The following PRSS12 variants were observed in gnomAD, a reference collection of about 807,000 sequenced individuals.
PRSS12 encodes serine protease 12.
PRSS12 carries 85 observed loss-of-function variants against 104.4 expected under a neutral mutation model. The ratio of observed to expected loss-of-function variants is 0.81; its 90% CI spans 0.68 to 0.98. The LOEUF (loss-of-function observed/expected upper bound fraction) is 0.98. PRSS12 is among the 50% of genes least tolerant of loss of function. PRSS12 has a pLI of 0.00. For missense variants in PRSS12, 1,141 were observed against 1,139.2 expected, an observed-to-expected ratio of 1.00 and a Z score of -0.02; for synonymous variants, 454 against 425.2, an observed-to-expected ratio of 1.07 and a Z score of -0.83.
intron 7 of PRSS12, among the ~76,000 whole-genome samples, chr4:118,311,720 C>A (rs1167178641): frequency 6.6e-6 from 1 of 152,088 alleles, no homozygotes; most frequent in Non-Finnish European, 1.5e-5. Flanking sequence ...TTATCACCCT[C>A]AGGTTTTTAA....
chr4:118,313,133 A>C (rs1365375370), intron 7 of PRSS12, 68 bp downstream of exon 7: 4 of 1,567,390 alleles, frequency 2.6e-6, no homozygotes, highest in Non-Finnish European at 3.5e-6. Flanking sequence ...CTTCATATTC[A>C]AGGCCAGTGG....
In PRSS12 at chr4:118,316,837, A is replaced by AAAAAAAAATAT. The variant is rs35698159; in HGVS notation, c.1151-515_1151-514insATATTTTTTTT. On this transcript the variant is annotated intron_variant, in intron 5 of 12. Transcript: ENST00000296498. ...ACTCCGTCTCACGGAAAAAAAAAAA[A>AAAAAAAAATAT]ATATATATATATATATATATCTTTC... 9.1e-5 allele frequency among the ~76,000 whole-genome samples: 9 copies of AAAAAAAAATAT among 99,192 alleles called. No individual in the cohort carries two copies. The South Asian group carries it at 2.3e-3, about 25-fold the overall frequency. 65.1% of individuals were successfully genotyped at this position (99,192 alleles called of 152,430 possible).
intron 2 of PRSS12, among the ~76,000 whole-genome samples, chr4:118,337,159 GT>G (rs1210769657): frequency 6.6e-6 from 1 of 152,084 alleles, no homozygotes; most frequent in Admixed American, 6.6e-5. Context: ...GAGAAATCTG[GT>G]AAATTAAAGT....
chr4:118,301,289 C>T (rs1743401080), intron 8 of PRSS12, among the ~76,000 whole-genome samples: 1 of 152,116 alleles, frequency 6.6e-6, no homozygotes, highest in African/African-American at 2.4e-5. Flanking sequence ...CCTTGGCTAC[C>T]CATCAGAATT....
At chr4:118,299,799 A>AT (rs1560768478) in intron 8 of PRSS12, among the ~76,000 whole-genome samples, 7,060 of 112,168 alleles carry the variant, frequency 0.063, 377 homozygotes, top group Middle Eastern at 0.1. Context: ...TAAAATAAAT[A>AT]AAATAAAATA....
chr4:118,295,961 CTT>C, intron 9 of PRSS12, 105 bp from the exon 10 acceptor site: 1 of 974,158 alleles, frequency 1.0e-6, no homozygotes. Context: ...GTCAAAATCC[CTT>C]TTCTCTGCAA....
chr4:118,290,225 A>T (rs755942856), intron 11 of PRSS12, among the ~76,000 whole-genome samples: 1 of 152,182 alleles, frequency 6.6e-6, no homozygotes, highest in Non-Finnish European at 1.5e-5. Flanking sequence ...AAATCCAAAA[A>T]TAACAACAAC....
At chr4:118,310,242 A>G (rs542645811) in intron 7 of PRSS12, among the ~76,000 whole-genome samples, 2 of 152,326 alleles carry the variant, frequency 1.3e-5, no homozygotes, top group South Asian at 2.1e-4. Flanking sequence ...TTCACTTTTT[A>G]TATTTTTGGA....
At chr4:118,346,685 T>C (rs1272703850) in intron 1 of PRSS12, among the ~76,000 whole-genome samples, 1 of 152,124 alleles carries the variant, frequency 6.6e-6, no homozygotes, top group Non-Finnish European at 1.5e-5. Flanking sequence ...TATCTGTATT[T>C]ACAGCCACTC....
chr4:118,297,391 C>T (rs946530449), intron 9 of PRSS12, among the ~76,000 whole-genome samples: 1 of 152,050 alleles, frequency 6.6e-6, no homozygotes, highest in Non-Finnish European at 1.5e-5. Context: ...AGTTATATCC[C>T]ATTTGTAATG....
intron 1 of PRSS12, among the ~76,000 whole-genome samples, chr4:118,343,862 C>A (rs1724281735): frequency 6.6e-6 from 1 of 152,018 alleles, no homozygotes; most frequent in Non-Finnish European, 1.5e-5. Flanking sequence ...AAACAAAGAC[C>A]CACCCCAATA....
Position 118,324,631 on chromosome 4 carries a change from T to C in PRSS12, c.972-6075A>G, listed in dbSNP as rs151222505. Among the ~76,000 whole-genome samples the C allele has an allele frequency of 2.7e-3, 405 of 152,204 alleles. 4 individuals carry two copies. Among genetic ancestry groups the C allele is most frequent in the South Asian group, 4.8e-3 (23 of 4,828 alleles). On this transcript the variant is annotated intron_variant, in intron 4 of 12. Coordinates refer to ENST00000296498, the MANE Select transcript of PRSS12 (RefSeq NM_003619.4). ...GATAAGAGAGTACAAGCCCCAAACA[T>C]TGACTCTGGGGATGCTATGTATTTT...
At chr4:118,283,611 G>A (rs1324981260) in intron 11 of PRSS12, among the ~76,000 whole-genome samples, 3 of 152,140 alleles carry the variant, frequency 2.0e-5, no homozygotes, top group African/African-American at 4.8e-5. Context: ...TATACTTTCA[G>A]ATAAACATAT....
In PRSS12 at chr4:118,298,737, A is replaced by G. The variant is rs759477288; in HGVS notation, c.1833T>C (p.Asn611=). 1 of 1,614,132 alleles carries G rather than the reference A, an allele frequency of 6.2e-7. No individual in the cohort carries two copies. The highest frequency in any genetic ancestry group is 2.2e-5 in the East Asian group (1 of 44,872). Residue 611 remains asparagine (N), a synonymous_variant, in exon 9 of 13, where the codon AAT becomes AAC. Coordinates refer to ENST00000296498, the MANE Select transcript of PRSS12 (RefSeq NM_003619.4). ...YFGKKASGNS[N]KESLSSVCGL... ...GGGCTCCAGAAGGTGACTTACCTTT[A>G]TTACTGTTACCTGAGGCCTTCTTGC...
In PRSS12 at chr4:118,352,470, T is replaced by G; in HGVS notation, c.251A>C (p.His84Pro). The change falls in exon 1 of 13, where the codon CAC becomes CCC. Residue 84 changes from histidine to proline, a missense_variant. By Grantham distance (77) the His-to-Pro change is moderately conservative (BLOSUM62 -2). Transcript: ENST00000296498. ...AQRPHALQAGHTPRPHPWGCP... is the reference protein window; with the variant it reads ...AQRPHALQAGPTPRPHPWGCP... ...GCCCCAGGGGTGCGGCCGGGGCGTG[T>G]GCCCGGCCTGGAGGGCGTGCGGGCG... The G allele has an allele frequency of 7.2e-7, 1 of 1,389,190 alleles. No individual in the cohort carries two copies. Among genetic ancestry groups the G allele is most frequent in the Non-Finnish European group, 9.3e-7 (1 of 1,079,212 alleles). 86.1% of individuals were successfully genotyped at this position (1,389,190 alleles called of 1,614,324 possible).
At chr4:118,336,789 T>C (rs202124571) in intron 2 of PRSS12, among the ~76,000 whole-genome samples, 1 of 152,216 alleles carries the variant, frequency 6.6e-6, no homozygotes, top group East Asian at 1.9e-4. Context: ...AATAGGTATG[T>C]ATATAAAGGA....
At chr4:118,302,817 C>T (rs1236410614) in intron 8 of PRSS12, among the ~76,000 whole-genome samples, 2 of 152,096 alleles carry the variant, frequency 1.3e-5, no homozygotes, top group African/African-American at 2.4e-5. Flanking sequence ...TGTATTGTCT[C>T]TCCTTTTTCT....
At chr4:118,320,769 TAAC>T in intron 4 of PRSS12, among the ~76,000 whole-genome samples, 1 of 152,010 alleles carries the variant, frequency 6.6e-6, no homozygotes, top group African/African-American at 2.4e-5. Flanking sequence ...ATAATAATAA[TAAC>T]AACAATATCA....
chr4:118,326,698 AT>A (rs1723779930), intron 4 of PRSS12, among the ~76,000 whole-genome samples: 1 of 152,202 alleles, frequency 6.6e-6, no homozygotes, highest in African/African-American at 2.4e-5. Flanking sequence ...TTTACAAATA[AT>A]GTAACATAAC....
Sources: gnomAD v4.1 joint callset for allele counts (sites outside exome capture counted in the v4.1 genomes callset) on GRCh38, gnomAD v4.1.1 for gene constraint, MANE v1.5 for transcripts, NCBI Gene and HGNC (gene_info 2026-07-23, HGNC 2026-07-21) for gene names.